Variants in ZC3H8 observed in about 807,000 individuals in gnomAD.
ZC3H8 encodes zinc finger CCCH-type containing 8.
Under a neutral mutation model 42.5 loss-of-function variants are expected in ZC3H8, and 27 were observed. That is an observed-to-expected ratio of 0.64 (90% CI 0.47 to 0.88). The LOEUF (loss-of-function observed/expected upper bound fraction) is 0.88. Ranked by LOEUF, ZC3H8 falls within the 40% of genes least tolerant of loss-of-function variation. ZC3H8 has a pLI of 0.00. For synonymous variants in ZC3H8, 101 were observed against 110.1 expected (o/e 0.92, Z 0.52); for missense variants, 277 against 336.1 (o/e 0.82, Z 1.37).
intron 2 of ZC3H8, among the ~76,000 whole-genome samples, chr2:112,239,579 C>CT (rs200972008): frequency 0.019 from 1,673 of 86,416 alleles, 94 homozygotes; most frequent in African/African-American, 0.053. Context: ...TAACAGTTTA[C>CT]TTTTTTTTTT....
rs533461344 is a variant in ZC3H8, at chr2:112,220,799, C to A, written c.*16-4331G>T. Among the ~76,000 whole-genome samples, 267 of 152,228 alleles carry A rather than the reference C, an allele frequency of 1.8e-3. 1 individual carries two copies. The highest frequency in any genetic ancestry group is 6.3e-3 in the African/African-American group (262 of 41,522). ...TCGTGCCATTGCACTTCAGCCTGAGCAAAAAGAGCGAAACTCCATCTCAAA... is the reference window on the plus strand; with the variant it reads ...TCGTGCCATTGCACTTCAGCCTGAGAAAAAAGAGCGAAACTCCATCTCAAA... On this transcript the variant is annotated intron_variant, in intron 8 of 8. Transcript: ENST00000409573.
intron 8 of ZC3H8, among the ~76,000 whole-genome samples, chr2:112,218,417 T>G (rs1440077145): frequency 6.6e-6 from 1 of 152,200 alleles, no homozygotes; most frequent in Non-Finnish European, 1.5e-5. Flanking sequence ...AGGTATAGCA[T>G]ATTTTATCAT....
chr2:112,224,258 G>T (rs1684720380), intron 8 of ZC3H8, among the ~76,000 whole-genome samples: 1 of 152,144 alleles, frequency 6.6e-6, no homozygotes, highest in Non-Finnish European at 1.5e-5. Context: ...TAAATGCATA[G>T]ATATAATCTG....
chr2:112,254,050 CTTTAAG>C (rs1686044387), intron 1 of ZC3H8: 3 of 931,410 alleles, frequency 3.2e-6, no homozygotes, highest in African/African-American at 1.8e-5. Flanking sequence ...ATCATCTTCT[CTTTAAG>C]TTTGTTTTGA....
chr2:112,251,321 G>C (rs1185560926), intron 1 of ZC3H8, among the ~76,000 whole-genome samples: 1 of 152,152 alleles, frequency 6.6e-6, no homozygotes, highest in Non-Finnish European at 1.5e-5. Flanking sequence ...TCACAGCTTT[G>C]TCCAATTCAA....
At chr2:112,245,076 G>A (rs1685709625) in intron 2 of ZC3H8, among the ~76,000 whole-genome samples, 1 of 152,228 alleles carries the variant, frequency 6.6e-6, no homozygotes, top group Admixed American at 6.5e-5. Context: ...TGAATGCAAA[G>A]GGAAGGTTCC....
At chr2:112,230,680 A>G (rs1283413952) in intron 8 of ZC3H8, 1 of 215,350 alleles carries the variant, frequency 4.6e-6, no homozygotes, top group Non-Finnish European at 9.2e-6. Context: ...ACAAAGAAAC[A>G]CAAGAGGAGA....
chr2:112,226,871 G>C (rs999594982), intron 8 of ZC3H8, among the ~76,000 whole-genome samples: 1 of 152,046 alleles, frequency 6.6e-6, no homozygotes, highest in African/African-American at 2.4e-5. Flanking sequence ...ACATGACCAA[G>C]TGGGTTTTAC....
chr2:112,217,735 T>A (rs1054760479), intron 8 of ZC3H8, among the ~76,000 whole-genome samples: 2 of 152,216 alleles, frequency 1.3e-5, no homozygotes, highest in Non-Finnish European at 2.9e-5. Context: ...AAAATTATAA[T>A]TTTTGCTTAA....
intron 8 of ZC3H8, among the ~76,000 whole-genome samples, chr2:112,224,472 A>G (rs1268287689): frequency 2.0e-5 from 3 of 152,204 alleles, no homozygotes. Flanking sequence ...GAAAATATTA[A>G]TAGCAGTCTC....
chr2:112,233,433 A>G (rs1254561961), intron 5 of ZC3H8, 62 bp from the exon 6 acceptor site: 2 of 1,101,358 alleles, frequency 1.8e-6, no homozygotes, highest in Admixed American at 5.3e-5. Context: ...ATTATGATTT[A>G]ATTCCTACTA....
rs1685110020 is a variant in ZC3H8 at position 112,231,917 on chromosome 2, C to A, written c.764G>T (p.Gly255Val). 1.3e-6 allele frequency: 2 copies of A among 1,582,920 alleles called. No homozygotes were observed. Among genetic ancestry groups the A allele is most frequent in the Non-Finnish European group, 8.6e-7 (1 of 1,160,372 alleles). Residue 255 changes from glycine to valine, a missense_variant, in exon 7 of 9, where the codon GGA (glycine) becomes GTA (valine). Gly to Val is a moderately radical substitution (Grantham distance 109, BLOSUM62 -3). Transcript: ENST00000409573. ...NEYPCKFYHTGTKCYQGEYCK... is the reference protein window; with the variant it reads ...NEYPCKFYHTVTKCYQGEYCK... ...GTATTCTCCCTGATAACATTTTGTTCCTGTATGGTAAAACTTACAAGGATA... is the reference window on the plus strand; with the variant it reads ...GTATTCTCCCTGATAACATTTTGTTACTGTATGGTAAAACTTACAAGGATA...
At position 112,211,922 on chromosome 2, in the gene ZC3H8, CTAAATA is replaced by C. The variant is rs1298991095; in HGVS notation, c.*4556_*4561del. The stretch of plus-strand genomic sequence containing the variant: ...ATTCTCCCCTCTCCTCTTAACCCTT[CTAAATA>C]TATCTACTCTTCCTAGTTTTCTGCT... On this transcript the variant is annotated 3_prime_UTR_variant, in exon 9 of 9. Transcript: ENST00000409573. 1 of 152,194 alleles carries C rather than the reference CTAAATA, an allele frequency of 6.6e-6. No homozygotes were observed. Among genetic ancestry groups the C allele is most frequent in the Non-Finnish European group, 1.5e-5 (1 of 68,028 alleles). The allele number at this position is 152,194 out of a possible 1,614,324, so 9.4% of individuals were successfully genotyped here.
At chr2:112,227,771 A>G (rs562776285) in intron 8 of ZC3H8, among the ~76,000 whole-genome samples, 76 of 152,368 alleles carry the variant, frequency 5.0e-4, no homozygotes, top group African/African-American at 1.8e-3. Context: ...AAAAGTGTAC[A>G]CTGTACACTT....
chr2:112,216,821 G>A (rs1208358390), intron 8 of ZC3H8, among the ~76,000 whole-genome samples: 1 of 151,478 alleles, frequency 6.6e-6, no homozygotes, highest in African/African-American at 2.4e-5. Flanking sequence ...AAACATTATC[G>A]GACAAAAGCA....
chr2:112,239,579 CTTTTT>C (rs200972008), intron 2 of ZC3H8, among the ~76,000 whole-genome samples: 50 of 86,484 alleles, frequency 5.8e-4, no homozygotes, highest in African/African-American at 1.7e-3. Context: ...TAACAGTTTA[CTTTTT>C]TTTTTTTTTT....
intron 2 of ZC3H8, 199 bp from the exon 3 acceptor site, chr2:112,238,727 AAAAC>A: frequency 2.2e-6 from 1 of 445,856 alleles, no homozygotes; most frequent in East Asian, 3.7e-5. Flanking sequence ...TCCAGAATTA[AAAAC>A]AAACTAACAA....
rs1378948692 is a variant in ZC3H8, at chr2:112,213,265, C to G, written c.*3219G>C. 6.6e-6 allele frequency: 1 copy of G among 152,084 alleles called. No individual in the cohort carries two copies. The highest frequency in any genetic ancestry group is 1.5e-5 in the Non-Finnish European group (1 of 68,046). 9.4% of individuals were successfully genotyped at this position (152,084 alleles called of 1,614,324 possible). ...GATTCAAGGTGTGAGCCACTGCACCCGGCCTGAAGAAATCCTTGCACGTAA... is the reference window on the plus strand; with the variant it reads ...GATTCAAGGTGTGAGCCACTGCACCGGGCCTGAAGAAATCCTTGCACGTAA... On this transcript the variant is annotated 3_prime_UTR_variant, in exon 9 of 9. Transcript: ENST00000409573.
intron 8 of ZC3H8, among the ~76,000 whole-genome samples, chr2:112,223,708 T>C (rs1684695451): frequency 6.6e-6 from 1 of 152,008 alleles, no homozygotes; most frequent in Admixed American, 6.5e-5. Context: ...ACTGATATAA[T>C]CTAGAAAATA....
Sources: gnomAD v4.1 joint callset for allele counts (sites outside exome capture counted in the v4.1 genomes callset) on GRCh38, gnomAD v4.1.1 for gene constraint, MANE v1.5 for transcripts, NCBI Gene and HGNC (gene_info 2026-07-23, HGNC 2026-07-21) for gene names.